Variants in GALNT17 observed in about 807,000 individuals in gnomAD.
GALNT17 encodes UDP-GalNAc:polypeptide N-acetylgalactosaminyltransferase-like 3.
In GALNT17, 29 loss-of-function variants were observed where a neutral mutation model predicts 63.7. The observed-to-expected ratio is 0.46, with a 90% CI of 0.34 to 0.62. The LOEUF (loss-of-function observed/expected upper bound fraction) is 0.62, where lower values mean the gene tolerates loss of function less well. Among genes scored for constraint, GALNT17 ranks in the 20% least tolerant of loss-of-function variants. The probability of loss-of-function intolerance (pLI) is 0.01; values close to 1 mark genes in which losing one functional copy is unlikely to be tolerated. For synonymous variants in GALNT17, 305 were observed against 318.3 expected, an observed-to-expected ratio of 0.96 and a Z score of 0.45; for missense variants, 603 against 799.6, an observed-to-expected ratio of 0.75 and a Z score of 2.97.
chr7:71,568,499 G>A (rs1399322678), intron 5 of GALNT17, among the ~76,000 whole-genome samples: 1 of 152,198 alleles, frequency 6.6e-6, no homozygotes, highest in Non-Finnish European at 1.5e-5. Context: ...ATCTGCTACA[G>A]CACCAGCAAA....
chr7:71,505,002 AG>A (rs1363705543), intron 5 of GALNT17, among the ~76,000 whole-genome samples: 6 of 152,124 alleles, frequency 3.9e-5, no homozygotes, highest in Admixed American at 6.6e-5. Context: ...TCTTAGGGCA[AG>A]TTGGATCACA....
chr7:71,455,636 C>G (rs1483443454), intron 5 of GALNT17, among the ~76,000 whole-genome samples: 2 of 152,090 alleles, frequency 1.3e-5, no homozygotes, highest in Non-Finnish European at 2.9e-5. Context: ...GATGAGCCAA[C>G]AGTTCTTGTT....
chr7:71,169,338 A>G (rs1788503433), intron 1 of GALNT17, among the ~76,000 whole-genome samples: 1 of 152,010 alleles, frequency 6.6e-6, no homozygotes, highest in Non-Finnish European at 1.5e-5. Flanking sequence ...AACCCTCTCA[A>G]GGTAGTGGCC....
At chr7:71,429,156 G>T (rs1447935278) in intron 5 of GALNT17, among the ~76,000 whole-genome samples, 1 of 152,168 alleles carries the variant, frequency 6.6e-6, no homozygotes, top group Non-Finnish European at 1.5e-5. Flanking sequence ...TGGACACGAA[G>T]AGCCCTGTTT....
chr7:71,364,630 C>T (rs1399185359), intron 2 of GALNT17, among the ~76,000 whole-genome samples: 5 of 152,034 alleles, frequency 3.3e-5, no homozygotes, highest in Non-Finnish European at 5.9e-5. Context: ...AATTTTTAAA[C>T]CCAGGCATGG....
At chr7:71,138,087 C>T (rs141785881) in intron 1 of GALNT17, among the ~76,000 whole-genome samples, 1 of 151,748 alleles carries the variant, frequency 6.6e-6, no homozygotes, top group East Asian at 2.0e-4. Flanking sequence ...TGGCTCATGC[C>T]TGTAATCCCT....
intron 6 of GALNT17, among the ~76,000 whole-genome samples, chr7:71,649,239 T>C (rs1377772259): frequency 6.6e-6 from 1 of 152,200 alleles, no homozygotes. Context: ...ATCCAAGTTT[T>C]GTGACCTTGA....
chr7:71,265,626 A>G (rs1790479611), intron 1 of GALNT17, among the ~76,000 whole-genome samples: 1 of 152,144 alleles, frequency 6.6e-6, no homozygotes. Context: ...GGGAGGCCCA[A>G]AGTGTTCTCT....
intron 6 of GALNT17, among the ~76,000 whole-genome samples, chr7:71,624,448 G>A: frequency 6.6e-6 from 1 of 152,290 alleles, no homozygotes. Context: ...TTCTGTTAGG[G>A]CCCAAGGGAA....
intron 1 of GALNT17, among the ~76,000 whole-genome samples, chr7:71,278,958 G>A (rs761656688): frequency 6.7e-5 from 10 of 149,008 alleles, no homozygotes; most frequent in East Asian, 4.0e-4. Context: ...ATGGAGTCTC[G>A]CTATGTCGCC....
At chr7:71,243,675 G>C (rs1326275385) in intron 1 of GALNT17, among the ~76,000 whole-genome samples, 1 of 152,118 alleles carries the variant, frequency 6.6e-6, no homozygotes, top group Non-Finnish European at 1.5e-5. Context: ...GAGTAGCTGG[G>C]ACTACAGGTG....
intron 1 of GALNT17, among the ~76,000 whole-genome samples, chr7:71,264,236 A>G (rs1000351741): frequency 6.6e-6 from 1 of 152,160 alleles, no homozygotes; most frequent in Non-Finnish European, 1.5e-5. Context: ...CATGCCGCAC[A>G]TGCTTTCTTT....
intron 5 of GALNT17, among the ~76,000 whole-genome samples, chr7:71,432,890 A>G (rs1341676800): frequency 1.3e-5 from 2 of 152,096 alleles, no homozygotes; most frequent in African/African-American, 4.8e-5. Context: ...ACTCACTGCA[A>G]CCTCCACCTT....
intron 6 of GALNT17, among the ~76,000 whole-genome samples, chr7:71,609,459 TG>T (rs1296496294): frequency 1.3e-5 from 2 of 152,220 alleles, no homozygotes; most frequent in African/African-American, 2.4e-5. Context: ...TAGACATTGT[TG>T]TTCCACCATT....
intron 1 of GALNT17, among the ~76,000 whole-genome samples, chr7:71,170,697 G>A (rs1562882894): frequency 6.6e-6 from 1 of 152,076 alleles, no homozygotes; most frequent in African/African-American, 2.4e-5. Context: ...ATGTGTGTTT[G>A]TCCTGATAAG....
intron 1 of GALNT17, among the ~76,000 whole-genome samples, chr7:71,318,431 T>G (rs75251403): frequency 3.2e-4 from 36 of 112,914 alleles, no homozygotes; most frequent in Middle Eastern, 9.2e-3. Context: ...TGTGTGTGTG[T>G]GGGGGGTGGG....
chr7:71,140,173 C>T (rs958440498), intron 1 of GALNT17, among the ~76,000 whole-genome samples: 5 of 152,144 alleles, frequency 3.3e-5, no homozygotes, highest in African/African-American at 1.2e-4. Flanking sequence ...GGAGAGGGCA[C>T]ATGTGCATAT....
At chr7:71,481,186 C>T (rs1220979366) in intron 5 of GALNT17, among the ~76,000 whole-genome samples, 1 of 152,190 alleles carries the variant, frequency 6.6e-6, no homozygotes, top group Non-Finnish European at 1.5e-5. Flanking sequence ...GTGGCTCACG[C>T]CTGTAATCCC....
At chr7:71,516,018 G>A (rs764173768) in intron 5 of GALNT17, among the ~76,000 whole-genome samples, 3 of 152,094 alleles carry the variant, frequency 2.0e-5, no homozygotes, top group Non-Finnish European at 2.9e-5. Flanking sequence ...AGGAGCAGCC[G>A]ATTATGCATT....
Sources: allele counts gnomAD v4.1 joint callset (sites outside exome capture counted in the v4.1 genomes callset), GRCh38; gene constraint gnomAD v4.1.1; transcripts MANE v1.5; gene names NCBI Gene and HGNC (gene_info 2026-07-23, HGNC 2026-07-21).